CADM2: variants seen among roughly 807,000 people sequenced by gnomAD.
The protein encoded by CADM2 is cell adhesion molecule 2.
A neutral mutation model predicts 49.8 loss-of-function variants in CADM2; 12 were observed. The observed-to-expected ratio is 0.24, with a 90% confidence interval of 0.15 to 0.39. The LOEUF (loss-of-function observed/expected upper bound fraction) is 0.39, where lower values mean the gene tolerates loss of function less well. Ranked by LOEUF, CADM2 falls within the 10% of genes least tolerant of loss-of-function variation. The probability of loss-of-function intolerance (pLI) is 1.00; values close to 1 mark genes in which losing one functional copy is unlikely to be tolerated. For missense variants in CADM2, 378 were observed against 492.3 expected (o/e 0.77, Z 2.20); for synonymous variants, 214 against 175.4 (o/e 1.22, Z -1.74).
intron 2 of CADM2, among the ~76,000 whole-genome samples, chr3:85,786,190 A>C (rs1054849677): frequency 6.6e-6 from 1 of 152,154 alleles, no homozygotes; most frequent in Non-Finnish European, 1.5e-5. Flanking sequence ...TTTTTATTGA[A>C]GTTTAATAAT....
intron 8 of CADM2, among the ~76,000 whole-genome samples, chr3:86,028,399 A>T (rs1056048360): frequency 2.6e-5 from 4 of 152,146 alleles, no homozygotes; most frequent in Non-Finnish European, 4.4e-5. Context: ...ACTCTAATAA[A>T]TAACAATGGC....
chr3:85,814,734 A>G (rs1183603940), intron 3 of CADM2, among the ~76,000 whole-genome samples: 1 of 152,082 alleles, frequency 6.6e-6, no homozygotes, highest in African/African-American at 2.4e-5. Flanking sequence ...AGAGAATACT[A>G]TAGAAATGGT....
chr3:85,012,152 GA>G lies in CADM2; in HGVS notation c.61+52492del, dbSNP rs200619630. Among the ~76,000 whole-genome samples the G allele has an allele frequency of 3.5e-3, 526 of 149,718 alleles. 4 individuals carry two copies. Among genetic ancestry groups the G allele is most frequent in the Non-Finnish European group, 6.2e-3 (420 of 67,458 alleles). ...AGTAATAATTATGGGTAGTTTTGAT[GA>G]AAAAAAATGAGCTCATGCTCCTCTA... On this transcript the variant is annotated intron_variant, in intron 1 of 9. Transcript: ENST00000383699.
chr3:86,032,852 T>C (rs1734714217), intron 8 of CADM2, among the ~76,000 whole-genome samples: 3 of 151,924 alleles, frequency 2.0e-5, no homozygotes, highest in African/African-American at 4.8e-5. Flanking sequence ...TCAAAATTCC[T>C]TTAAAACCAA....
intron 1 of CADM2, among the ~76,000 whole-genome samples, chr3:85,003,838 C>A (rs1010099926): frequency 6.6e-6 from 1 of 152,086 alleles, no homozygotes; most frequent in African/African-American, 2.4e-5. Context: ...AATTTTATTA[C>A]TTAACTTATG....
At chr3:85,373,486 A>G (rs1308758361) in intron 1 of CADM2, among the ~76,000 whole-genome samples, 1 of 152,008 alleles carries the variant, frequency 6.6e-6, no homozygotes, top group African/African-American at 2.4e-5. Flanking sequence ...TTTTCCAGGA[A>G]CACAGTGCAA....
chr3:85,724,054 A>C (rs1025971874), intron 1 of CADM2, among the ~76,000 whole-genome samples: 1 of 152,002 alleles, frequency 6.6e-6, no homozygotes, highest in Non-Finnish European at 1.5e-5. Flanking sequence ...AACTAAATAA[A>C]AAAGGAAAAT....
chr3:85,325,544 T>G (rs1347591026), intron 1 of CADM2, among the ~76,000 whole-genome samples: 1 of 152,098 alleles, frequency 6.6e-6, no homozygotes, highest in Non-Finnish European at 1.5e-5. Flanking sequence ...ACCCCGTTTC[T>G]GCTAAAAATA....
chr3:85,410,835 T>A (rs2035623306), intron 1 of CADM2, among the ~76,000 whole-genome samples: 1 of 151,624 alleles, frequency 6.6e-6, no homozygotes, highest in Admixed American at 6.6e-5. Context: ...TGAAAAAGAG[T>A]CTAAATTAGG....
intron 1 of CADM2, among the ~76,000 whole-genome samples, chr3:85,469,277 G>A (rs998177340): frequency 7.9e-5 from 12 of 152,106 alleles, no homozygotes; most frequent in Non-Finnish European, 2.9e-5. Flanking sequence ...GGCAAAAGTG[G>A]TGCAGTAATT....
intron 1 of CADM2, among the ~76,000 whole-genome samples, chr3:85,345,502 C>A (rs1386870496): frequency 6.6e-6 from 1 of 152,042 alleles, no homozygotes; most frequent in East Asian, 1.9e-4. Context: ...AAAATGACTT[C>A]TATTGTATTC....
rs1008966897 is a variant in CADM2 at position 86,071,681 on chromosome 3, A to G, written c.*4898A>G. The stretch of plus-strand genomic sequence containing the variant: ...AACAGTGCACTCCCCACCCCCTGGG[A>G]AATCTCAAAAGCCAAGTTCTTCAGT... On this transcript the variant is annotated 3_prime_UTR_variant, in exon 10 of 10. Transcript: ENST00000383699. 6.6e-6 allele frequency: 1 copy of G among 151,976 alleles called. No individual in the cohort carries two copies. Among genetic ancestry groups the G allele is most frequent in the Non-Finnish European group, 1.5e-5 (1 of 67,866 alleles). 9.4% of individuals were successfully genotyped at this position (151,976 alleles called of 1,614,324 possible).
intron 1 of CADM2, among the ~76,000 whole-genome samples, chr3:85,198,478 A>G (rs1251409822): frequency 1.4e-5 from 2 of 143,020 alleles, no homozygotes; most frequent in East Asian, 4.1e-4. Flanking sequence ...TTTTTTTTTT[A>G]GTTGCAACAA....
chr3:85,608,038 A>G, intron 1 of CADM2, among the ~76,000 whole-genome samples: 1 of 152,256 alleles, frequency 6.6e-6, no homozygotes, highest in Non-Finnish European at 1.5e-5. Context: ...ATTAATAGTA[A>G]AAAATGTGAT....
intron 8 of CADM2, among the ~76,000 whole-genome samples, chr3:85,974,185 T>C (rs1235720527): frequency 6.6e-6 from 1 of 151,706 alleles, no homozygotes; most frequent in Non-Finnish European, 1.5e-5. Flanking sequence ...ATTAACTCTT[T>C]GCAGAACTGG....
chr3:84,967,718 G>A (rs930649531), intron 1 of CADM2, among the ~76,000 whole-genome samples: 1 of 152,002 alleles, frequency 6.6e-6, no homozygotes, highest in African/African-American at 2.4e-5. Flanking sequence ...GAAGTGTTTT[G>A]CTAAAGGATA....
intron 1 of CADM2, among the ~76,000 whole-genome samples, chr3:85,553,527 AT>A (rs5850694): frequency 0.51 from 77,919 of 152,044 alleles, 23,044 homozygotes; most frequent in East Asian, 0.85. Context: ...AAAATTCTAC[AT>A]TCTACTTAAC....
chr3:85,898,955 ATTTTTTT>A (rs35857247), intron 5 of CADM2, among the ~76,000 whole-genome samples: 12 of 33,908 alleles, frequency 3.5e-4, no homozygotes, highest in East Asian at 2.6e-3. Context: ...ATATATATAT[ATTTTTTT>A]TTTTTTTTTT....
intron 8 of CADM2, among the ~76,000 whole-genome samples, chr3:86,064,965 A>T (rs2107429308): frequency 6.6e-6 from 1 of 152,252 alleles, no homozygotes; most frequent in Admixed American, 6.5e-5. Context: ...TTCCCGCCAA[A>T]ATACATTCTT....
Sources: gnomAD v4.1 joint callset for allele counts (sites outside exome capture counted in the v4.1 genomes callset) on GRCh38, gnomAD v4.1.1 for gene constraint, MANE v1.5 for transcripts, NCBI Gene and HGNC (gene_info 2026-07-23, HGNC 2026-07-21) for gene names.